SESTD1: variants seen among roughly 807,000 people sequenced by gnomAD.
SESTD1 encodes the protein SEC14 and spectrin domain containing 1.
Under a neutral mutation model 101.7 loss-of-function variants are expected in SESTD1, and 43 were observed. The observed-to-expected ratio is 0.42, with a 90% confidence interval of 0.33 to 0.55. The LOEUF (loss-of-function observed/expected upper bound fraction) is 0.55. SESTD1 is among the 20% of genes least tolerant of loss of function. The pLI is 0.07. For synonymous variants in SESTD1, 283 were observed against 286.8 expected (o/e 0.99, Z 0.13); for missense variants, 647 against 815.1 (o/e 0.79, Z 2.51).
chr2:179,203,862 G>A (rs2046555660), intron 1 of SESTD1, among the ~76,000 whole-genome samples: 1 of 132,954 alleles, frequency 7.5e-6, no homozygotes, highest in Non-Finnish European at 1.6e-5. Flanking sequence ...GGTCCCTAGA[G>A]TTGAGTCCAG....
At chr2:179,215,879 A>G (rs1381767104) in intron 1 of SESTD1, among the ~76,000 whole-genome samples, 1 of 135,320 alleles carries the variant, frequency 7.4e-6, no homozygotes, top group Non-Finnish European at 1.6e-5. Flanking sequence ...AACAGTACCA[A>G]CAACAAAAAC....
intron 10 of SESTD1, 185 bp downstream of exon 10, chr2:179,132,119 A>G (rs2105428036): frequency 1.7e-6 from 1 of 591,746 alleles, no homozygotes; most frequent in Non-Finnish European, 2.6e-6. Context: ...ACAAAACCAA[A>G]AACAACCTTC....
At chr2:179,236,241 A>G (rs1203587866) in intron 1 of SESTD1, among the ~76,000 whole-genome samples, 2 of 149,958 alleles carry the variant, frequency 1.3e-5, no homozygotes, top group Non-Finnish European at 3.0e-5. Context: ...TAATCCCAGC[A>G]CTTTGGGAAG....
chr2:179,106,634 A>T lies in SESTD1; in HGVS notation c.*3265T>A, dbSNP rs1436575057. On this transcript the variant is annotated 3_prime_UTR_variant, in exon 18 of 18. Coordinates refer to ENST00000428443, the MANE Select transcript of SESTD1 (RefSeq NM_178123.5). ...ATAACAAACATGTTAAGACTAGCTA[A>T]CACATGGGAGCAATAGCCAATGTAA... 6.6e-6 allele frequency: 1 copy of T among 152,196 alleles called. No individual in the cohort carries two copies. Among genetic ancestry groups the T allele is most frequent in the Admixed American group, 6.5e-5 (1 of 15,272 alleles). 9.4% of individuals were successfully genotyped at this position (152,196 alleles called of 1,614,324 possible).
At chr2:179,123,062 T>TC in intron 12 of SESTD1, among the ~76,000 whole-genome samples, 1 of 152,244 alleles carries the variant, frequency 6.6e-6, no homozygotes, top group East Asian at 1.9e-4. Context: ...CATTGCCATT[T>TC]CCCCTTTTGT....
intron 1 of SESTD1, among the ~76,000 whole-genome samples, chr2:179,206,942 T>A (rs966944393): frequency 2.3e-5 from 3 of 133,240 alleles, no homozygotes; most frequent in Non-Finnish European, 4.8e-5. Context: ...CTTTTCCACT[T>A]CCCTGGTGAT....
chr2:179,236,758 T>A (rs1314711445), intron 1 of SESTD1, among the ~76,000 whole-genome samples: 3 of 151,488 alleles, frequency 2.0e-5, no homozygotes, highest in Non-Finnish European at 4.4e-5. Context: ...AGTTTTTTTT[T>A]TTTTTTTTTA....
intron 1 of SESTD1, among the ~76,000 whole-genome samples, chr2:179,195,850 A>T (rs1393518129): frequency 1.4e-5 from 2 of 140,808 alleles, no homozygotes; most frequent in East Asian, 2.0e-4. Flanking sequence ...AAGGTTATTT[A>T]AAAAAAAAAA....
chr2:179,105,361 G>T lies in SESTD1; in HGVS notation c.*4538C>A, dbSNP rs1575412736. The stretch of plus-strand genomic sequence containing the variant: ...TCAAAACAGATGATACTCATCACTT[G>T]TCTTCCATCTTGCTGTTCTATTATC... On this transcript the variant is annotated 3_prime_UTR_variant, in exon 18 of 18. Coordinates refer to ENST00000428443, the MANE Select transcript of SESTD1 (RefSeq NM_178123.5). 6.6e-6 allele frequency: 1 copy of T among 152,028 alleles called. No individual in the cohort carries two copies. The highest frequency in any genetic ancestry group is 2.1e-4 in the South Asian group (1 of 4,820). The allele number at this position is 152,028 out of a possible 1,614,324, so 9.4% of individuals were successfully genotyped here.
At position 179,109,899 on chromosome 2, in the gene SESTD1, T is replaced by G; in HGVS notation, c.2091A>C (p.Ter697TyrextTer1). The change falls in exon 18 of 18, where the codon TAA becomes TAC. Residue 697 changes from the stop codon to tyrosine, a stop_lost. Transcript: ENST00000428443. Reference sequence around the variant, plus strand: ...CAAATCTGTAGGTAGCTGGTAGCTATTAGCTCTCTGTGGTCACCATTTCAG... The same window carrying G: ...CAAATCTGTAGGTAGCTGGTAGCTAGTAGCTCTCTGTGGTCACCATTTCAG... ...RHPEMVTTES[*>Y] The G allele has an allele frequency of 6.2e-7, 1 of 1,613,744 alleles. No homozygotes were observed. The highest frequency in any genetic ancestry group is 1.1e-5 in the South Asian group (1 of 91,060).
chr2:179,248,703 A>G (rs2047268787), intron 1 of SESTD1, among the ~76,000 whole-genome samples: 1 of 152,124 alleles, frequency 6.6e-6, no homozygotes, highest in South Asian at 2.1e-4. Context: ...AGGAGACTTC[A>G]TCAACTTGAT....
intron 9 of SESTD1, among the ~76,000 whole-genome samples, chr2:179,141,913 A>G (rs148477679): frequency 9.2e-4 from 140 of 152,364 alleles, no homozygotes; most frequent in Admixed American, 1.4e-3. Flanking sequence ...ACGTATGCTC[A>G]GAAATCTCCA....
intron 1 of SESTD1, among the ~76,000 whole-genome samples, chr2:179,235,385 G>GT (rs1196840249): frequency 6.6e-6 from 1 of 152,080 alleles, no homozygotes; most frequent in Non-Finnish European, 1.5e-5. Flanking sequence ...AACCTATACA[G>GT]TAATTCTTTG....
chr2:179,215,206 T>C (rs2046703973), intron 1 of SESTD1, among the ~76,000 whole-genome samples: 1 of 134,288 alleles, frequency 7.4e-6, no homozygotes, highest in Non-Finnish European at 1.6e-5. Context: ...CAGGAGCTGG[T>C]TTTTTGAAAA....
chr2:179,132,314 C>T lies in SESTD1; in HGVS notation c.962G>A (p.Ser321Asn). The change falls in exon 10 of 18, where the codon AGC becomes AAC. Residue 321 changes from serine (S) to asparagine (N), a missense_variant. Coordinates refer to ENST00000428443, the MANE Select transcript of SESTD1 (RefSeq NM_178123.5). ...GAAAAAGCCTCTCACACTGTGCTGG[C>T]TCTCAATCTCTTCGTGTTTCTGCTG... ...ALQQKHEEIE[S>N]QHSEWFAVYV... 1 of 1,552,652 alleles carries T rather than the reference C, an allele frequency of 6.4e-7. No individual in the cohort carries two copies. Among genetic ancestry groups the T allele is most frequent in the Admixed American group, 2.4e-5 (1 of 41,168 alleles).
intron 5 of SESTD1, among the ~76,000 whole-genome samples, chr2:179,154,042 A>G (rs2045577792): frequency 6.7e-6 from 1 of 150,088 alleles, no homozygotes; most frequent in Non-Finnish European, 1.5e-5. Flanking sequence ...CCAGGAGTTT[A>G]AGACCAGCCT....
intron 5 of SESTD1, among the ~76,000 whole-genome samples, chr2:179,153,329 A>G (rs1483850213): frequency 6.6e-6 from 1 of 152,158 alleles, no homozygotes; most frequent in Non-Finnish European, 1.5e-5. Context: ...GTGAGATGGG[A>G]TATTATAATT....
chr2:179,242,039 TTATAA>T (rs1400293346), intron 1 of SESTD1, among the ~76,000 whole-genome samples: 1 of 152,130 alleles, frequency 6.6e-6, no homozygotes, highest in Non-Finnish European at 1.5e-5. Flanking sequence ...TCTGTTTTCA[TTATAA>T]TATGATTGTA....
chr2:179,142,478 G>A (rs144645314), intron 9 of SESTD1, among the ~76,000 whole-genome samples: 1,585 of 152,244 alleles, frequency 0.01, 11 homozygotes, highest in Non-Finnish European at 0.014. Flanking sequence ...GAGGCTCAGG[G>A]GTGAAGTATC....
Sources: allele counts gnomAD v4.1 joint callset (sites outside exome capture counted in the v4.1 genomes callset), GRCh38; gene constraint gnomAD v4.1.1; transcripts MANE v1.5; gene names NCBI Gene and HGNC (gene_info 2026-07-23, HGNC 2026-07-21).